Variants in ARHGAP20 observed in about 807,000 individuals in gnomAD.
The protein encoded by ARHGAP20 is Rho GTPase activating protein 20, also known as rho GTPase-activating protein 20.
ARHGAP20 carries 34 observed loss-of-function variants against 73.7 expected under a neutral mutation model. The observed-to-expected ratio is 0.46, with a 90% CI of 0.35 to 0.61. The LOEUF (loss-of-function observed/expected upper bound fraction) is 0.61. Ranked by LOEUF, ARHGAP20 falls within the 20% of genes least tolerant of loss-of-function variation. The probability of loss-of-function intolerance (pLI) is 0.00; values close to 1 mark genes in which losing one functional copy is unlikely to be tolerated. For missense variants in ARHGAP20, 1,314 were observed against 1,420.9 expected, an observed-to-expected ratio of 0.92 and a Z score of 1.21; for synonymous variants, 523 against 518.2, an observed-to-expected ratio of 1.01 and a Z score of -0.13.
rs1453953731 is a variant in ARHGAP20 at position 110,712,284 on chromosome 11, C to G, written c.-53G>C. The G allele has an allele frequency of 1.3e-5, 16 of 1,252,040 alleles. No individual in the cohort carries two copies. Among genetic ancestry groups the G allele is most frequent in the Non-Finnish European group, 1.6e-5 (16 of 985,870 alleles). The allele number at this position is 1,252,040 out of a possible 1,614,324, so 77.6% of individuals were successfully genotyped here. On this transcript the variant is annotated 5_prime_UTR_variant, in exon 1 of 15. Coordinates refer to ENST00000683387, the MANE Select transcript of ARHGAP20 (RefSeq NM_001384657.1). ...CCAGGAGGAGGCTACACGATCATGT[C>G]CGCGGGCTGCCGGCCGGAGGGGCGA...
intron 7 of ARHGAP20, among the ~76,000 whole-genome samples, chr11:110,610,690 A>G (rs1948345906): frequency 6.6e-6 from 1 of 152,156 alleles, no homozygotes; most frequent in Non-Finnish European, 1.5e-5. Flanking sequence ...TCTATCGCAG[A>G]AAACAGAAAG....
At chr11:110,620,786 T>C (rs1041603799) in intron 4 of ARHGAP20, among the ~76,000 whole-genome samples, 13 of 152,150 alleles carry the variant, frequency 8.5e-5, no homozygotes, top group African/African-American at 2.7e-4. Flanking sequence ...TGTATTCCAT[T>C]GTCAGCTGGG....
At chr11:110,651,539 G>A (rs988198208) in intron 2 of ARHGAP20, among the ~76,000 whole-genome samples, 1 of 151,638 alleles carries the variant, frequency 6.6e-6, no homozygotes, top group Non-Finnish European at 1.5e-5. Context: ...AATGATAAAT[G>A]GGATATCACC....
rs146044132 is a variant in ARHGAP20 at position 110,656,531 on chromosome 11, A to G, written c.189-25739T>C. On this transcript the variant is annotated intron_variant, in intron 2 of 14. Coordinates refer to ENST00000683387, the MANE Select transcript of ARHGAP20 (RefSeq NM_001384657.1). ...GGGTATTTGCCTGAGTCCTCTTAGTAAGGGAGAGAGTTCCCTCTCCAAGAG... is the reference window on the plus strand; with the variant it reads ...GGGTATTTGCCTGAGTCCTCTTAGTGAGGGAGAGAGTTCCCTCTCCAAGAG... Among the ~76,000 whole-genome samples the G allele has an allele frequency of 3.1e-3, 467 of 152,252 alleles. 3 individuals carry two copies. Among genetic ancestry groups the G allele is most frequent in the African/African-American group, 0.01 (430 of 41,554 alleles).
At chr11:110,620,639 T>A (rs1459588133) in intron 4 of ARHGAP20, among the ~76,000 whole-genome samples, 2 of 152,332 alleles carry the variant, frequency 1.3e-5, no homozygotes, top group East Asian at 3.9e-4. Flanking sequence ...GTGTTAACAT[T>A]TTTTTCGGTA....
chr11:110,604,021 A>G (rs1398758005), intron 9 of ARHGAP20, among the ~76,000 whole-genome samples: 2 of 152,134 alleles, frequency 1.3e-5, no homozygotes, highest in Admixed American at 6.5e-5. Context: ...ATAAAATTGT[A>G]CTCAATTGTT....
intron 2 of ARHGAP20, among the ~76,000 whole-genome samples, chr11:110,672,893 G>C (rs12295701): frequency 0.055 from 8,313 of 152,240 alleles, 595 homozygotes; most frequent in African/African-American, 0.17. Context: ...ACCCAACAGA[G>C]TGAAGACATA....
rs530248207 is a variant in ARHGAP20 at position 110,706,365 on chromosome 11, T to C, written c.105+5762A>G. 3.9e-5 allele frequency among the ~76,000 whole-genome samples: 6 copies of C among 152,278 alleles called. No homozygotes were observed. The South Asian group carries it at 1.2e-3, about 32-fold the overall frequency. Reference sequence around the variant, plus strand: ...AAAAATTAACACCTACCTCATATAATTGATGTGTTTTGAATATAGTTCAGC... The same window carrying C: ...AAAAATTAACACCTACCTCATATAACTGATGTGTTTTGAATATAGTTCAGC... On this transcript the variant is annotated intron_variant, in intron 1 of 14. Coordinates refer to ENST00000683387, the MANE Select transcript of ARHGAP20 (RefSeq NM_001384657.1).
Position 110,690,632 on chromosome 11 carries a change from G to C in ARHGAP20, c.106-3C>G. Reference sequence around the variant, plus strand: ...CTTTCTGCTAGTGTTTTCATTTTCTGTTGATGAAACAAACCAAAATGAAGA... The same window carrying C: ...CTTTCTGCTAGTGTTTTCATTTTCTCTTGATGAAACAAACCAAAATGAAGA... On this transcript the variant is annotated splice_region_variant and splice_polypyrimidine_tract_variant and intron_variant, in intron 1 of 14. Coordinates refer to ENST00000683387, the MANE Select transcript of ARHGAP20 (RefSeq NM_001384657.1). The C allele has an allele frequency of 6.2e-7, 1 of 1,613,850 alleles. No homozygotes were observed. Among genetic ancestry groups the C allele is most frequent in the Non-Finnish European group, 8.5e-7 (1 of 1,179,868 alleles).
In ARHGAP20 at chr11:110,686,032, A is replaced by G. The variant is rs1174637690; in HGVS notation, c.188+4515T>C. On this transcript the variant is annotated intron_variant, in intron 2 of 14. Coordinates refer to ENST00000683387, the MANE Select transcript of ARHGAP20 (RefSeq NM_001384657.1). ...ATTTCTGGAGTATAATGGATAGAAAAGCAAAATTCTATTTGCAAAAATTTG... is the reference window on the plus strand; with the variant it reads ...ATTTCTGGAGTATAATGGATAGAAAGGCAAAATTCTATTTGCAAAAATTTG... 2.6e-5 allele frequency among the ~76,000 whole-genome samples: 4 copies of G among 152,150 alleles called. No individual in the cohort carries two copies. The East Asian group carries it at 5.8e-4, about 22-fold the overall frequency.
At chr11:110,698,930 C>T (rs559418988) in intron 1 of ARHGAP20, among the ~76,000 whole-genome samples, 97 of 151,350 alleles carry the variant, frequency 6.4e-4, no homozygotes, top group African/African-American at 2.3e-3. Context: ...TGCTTTAATC[C>T]TTGTTATTTC....
chr11:110,640,605 CTG>C (rs1949058115), intron 2 of ARHGAP20, among the ~76,000 whole-genome samples: 1 of 151,928 alleles, frequency 6.6e-6, no homozygotes, highest in Admixed American at 6.6e-5. Flanking sequence ...TGGCAATTAT[CTG>C]TCTTAATGAG....
chr11:110,608,029 G>T (rs1233626257), intron 8 of ARHGAP20, among the ~76,000 whole-genome samples: 1 of 152,158 alleles, frequency 6.6e-6, no homozygotes, highest in Admixed American at 6.5e-5. Context: ...CTCTGTGCAT[G>T]ATCACTTTCT....
chr11:110,590,563 G>T lies in ARHGAP20; in HGVS notation c.1305+85C>A, dbSNP rs574467464. Reference sequence around the variant, plus strand: ...AATCTATTATGGGTCTTTGCAAATAGAAATAATGTTCATAATGAAAAAGTA... The same window carrying T: ...AATCTATTATGGGTCTTTGCAAATATAAATAATGTTCATAATGAAAAAGTA... On this transcript the variant is annotated intron_variant, in intron 11 of 14. Coordinates refer to ENST00000683387, the MANE Select transcript of ARHGAP20 (RefSeq NM_001384657.1). 4.4e-5 allele frequency: 60 copies of T among 1,355,186 alleles called. 1 individual carries two copies. In the South Asian group the frequency reaches 9.3e-4, roughly 21 times the overall value. 83.9% of individuals were successfully genotyped at this position (1,355,186 alleles called of 1,614,324 possible).
At chr11:110,639,131 G>T (rs556046442) in intron 2 of ARHGAP20, among the ~76,000 whole-genome samples, 1 of 152,050 alleles carries the variant, frequency 6.6e-6, no homozygotes, top group East Asian at 1.9e-4. Flanking sequence ...AACATATGGA[G>T]TAAATAAGTC....
intron 2 of ARHGAP20, among the ~76,000 whole-genome samples, chr11:110,648,671 C>T (rs4259861): frequency 0.23 from 34,227 of 151,446 alleles, 3,868 homozygotes; most frequent in South Asian, 0.32. Flanking sequence ...TTAGTAGAGA[C>T]GAGGTTTCAC....
intron 9 of ARHGAP20, among the ~76,000 whole-genome samples, chr11:110,597,118 C>T (rs1338616190): frequency 7.9e-6 from 1 of 127,096 alleles, no homozygotes; most frequent in Non-Finnish European, 1.6e-5. Context: ...GGAAGGGGAA[C>T]GTCACACACC....
chr11:110,619,788 T>C (rs944257887), intron 4 of ARHGAP20, among the ~76,000 whole-genome samples: 2 of 151,988 alleles, frequency 1.3e-5, no homozygotes, highest in African/African-American at 4.8e-5. Context: ...TGATAGTGCA[T>C]ATGTAGTGAT....
intron 1 of ARHGAP20, among the ~76,000 whole-genome samples, chr11:110,691,686 T>C (rs1303851144): frequency 2.6e-5 from 4 of 152,160 alleles, no homozygotes; most frequent in African/African-American, 9.7e-5. Context: ...TAGACTTCTT[T>C]GGCACAATTC....
Sources: allele counts gnomAD v4.1 joint callset (sites outside exome capture counted in the v4.1 genomes callset), GRCh38; gene constraint gnomAD v4.1.1; transcripts MANE v1.5; gene names NCBI Gene and HGNC (gene_info 2026-07-23, HGNC 2026-07-21).